The following ATP6V1C1 variants were observed in gnomAD, a reference collection of about 807,000 sequenced individuals.
ATP6V1C1 encodes the protein ATPase H+ transporting V1 subunit C1.
A neutral mutation model predicts 53.9 loss-of-function variants in ATP6V1C1; 45 were observed. The ratio of observed to expected loss-of-function variants is 0.83; its 90% confidence interval spans 0.66 to 1.07. ATP6V1C1 has a LOEUF of 1.07. ATP6V1C1 is among the 50% of genes least tolerant of loss of function. The pLI is 0.00. For synonymous variants in ATP6V1C1, 153 were observed against 155.2 expected (o/e 0.99, Z 0.11); for missense variants, 315 against 440.3 (o/e 0.72, Z 2.55).
intron 1 of ATP6V1C1, among the ~76,000 whole-genome samples, chr8:103,033,678 T>G (rs770831921): frequency 5.9e-5 from 9 of 152,218 alleles, no homozygotes; most frequent in Non-Finnish European, 1.3e-4. Flanking sequence ...TGCTGTCATA[T>G]GATATATAAT....
intron 1 of ATP6V1C1, among the ~76,000 whole-genome samples, chr8:103,030,668 C>T (rs1018008088): frequency 6.6e-6 from 1 of 152,064 alleles, no homozygotes; most frequent in Non-Finnish European, 1.5e-5. Context: ...CTTGCTGAGT[C>T]GAGGAGACTG....
intron 3 of ATP6V1C1, among the ~76,000 whole-genome samples, chr8:103,048,306 C>A (rs760556819): frequency 3.9e-5 from 6 of 152,148 alleles, no homozygotes; most frequent in Non-Finnish European, 7.4e-5. Context: ...TTTGCACCAA[C>A]CTAATAGTTT....
chr8:103,055,413 T>G (rs1447288946), intron 7 of ATP6V1C1, among the ~76,000 whole-genome samples: 1 of 152,142 alleles, frequency 6.6e-6, no homozygotes, highest in East Asian at 1.9e-4. Context: ...GGCAACATAG[T>G]TTACTGTCAC....
At chr8:103,022,898 A>C (rs1020955112) in intron 1 of ATP6V1C1, among the ~76,000 whole-genome samples, 1 of 152,082 alleles carries the variant, frequency 6.6e-6, no homozygotes, top group African/African-American at 2.4e-5. Flanking sequence ...AAAAATAAAA[A>C]AATAACTAGC....
intron 1 of ATP6V1C1, among the ~76,000 whole-genome samples, chr8:103,040,355 A>G (rs1816974250): frequency 6.6e-6 from 1 of 151,824 alleles, no homozygotes; most frequent in African/African-American, 2.4e-5. Flanking sequence ...CGGAGGTTGC[A>G]GTGAGCTGAG....
In ATP6V1C1 at chr8:103,040,817, G is replaced by C. The variant is rs1006845859; in HGVS notation, c.-20G>C. The C allele has an allele frequency of 6.3e-7, 1 of 1,597,794 alleles. No homozygotes were observed. Among genetic ancestry groups the C allele is most frequent in the Non-Finnish European group, 8.5e-7 (1 of 1,172,960 alleles). On this transcript the variant is annotated 5_prime_UTR_variant, in exon 2 of 13. Coordinates refer to ENST00000518738, the MANE Select transcript of ATP6V1C1 (RefSeq NM_001695.5). ...TTTCAGAATCTCTCTTGATTTTTGA[G>C]GAAATACCTAGTAACAAACATGACT...
rs1488337128 is a variant in ATP6V1C1 at position 103,070,673 on chromosome 8, T to C, written c.*1926T>C. On this transcript the variant is annotated 3_prime_UTR_variant, in exon 13 of 13. Coordinates refer to ENST00000518738, the MANE Select transcript of ATP6V1C1 (RefSeq NM_001695.5). ...TAAGGTTTTATTTAGACTTTACTGT[T>C]GTTCTCATGAGAGTAGGTACAGACT... 2 of 152,250 alleles carry C rather than the reference T, an allele frequency of 1.3e-5. No homozygotes were observed. Among genetic ancestry groups the C allele is most frequent in the South Asian group, 2.1e-4 (1 of 4,830 alleles). The allele number at this position is 152,250 out of a possible 1,614,324, so 9.4% of individuals were successfully genotyped here. A position where few individuals can be genotyped will look rare whatever the true frequency, so the allele number is the denominator to read the frequency against.
intron 4 of ATP6V1C1, 100 bp downstream of exon 4, chr8:103,049,055 A>G: frequency 2.8e-6 from 3 of 1,056,188 alleles, no homozygotes; most frequent in Non-Finnish European, 4.1e-6. Flanking sequence ...AGAAAAGGAC[A>G]CTAAATACAA....
intron 12 of ATP6V1C1, among the ~76,000 whole-genome samples, chr8:103,067,064 T>C (rs1461892691): frequency 6.6e-6 from 1 of 152,190 alleles, no homozygotes; most frequent in Non-Finnish European, 1.5e-5. Flanking sequence ...AAAGAAGATA[T>C]AAACAGAGTT....
At chr8:103,063,423 A>G (rs1817437886) in intron 10 of ATP6V1C1, among the ~76,000 whole-genome samples, 195 bp downstream of exon 10, 1 of 152,132 alleles carries the variant, frequency 6.6e-6, no homozygotes, top group Non-Finnish European at 1.5e-5. Context: ...TCTATTTCTA[A>G]GAAAGCTTTC....
intron 3 of ATP6V1C1, among the ~76,000 whole-genome samples, chr8:103,046,332 G>C (rs1478075482): frequency 2.0e-5 from 3 of 151,962 alleles, no homozygotes; most frequent in Admixed American, 1.3e-4. Context: ...TCAGTTTCCT[G>C]AGTAGCTAGG....
chr8:103,063,168 G>A lies in ATP6V1C1; in HGVS notation c.768G>A (p.Glu256=). The A allele has an allele frequency of 6.2e-7, 1 of 1,612,986 alleles. No homozygotes were observed. Among genetic ancestry groups the A allele is most frequent in the African/African-American group, 1.3e-5 (1 of 74,960 alleles). The change falls in exon 10 of 13, where the codon GAG becomes GAA. Residue 256 remains glutamate (E), a synonymous_variant. Coordinates refer to ENST00000518738, the MANE Select transcript of ATP6V1C1 (RefSeq NM_001695.5). The part of the protein sequence containing the change: ...FIVRDFQYNE[E]EMKADKEEMN... The stretch of plus-strand genomic sequence containing the variant: ...TTCGTGACTTCCAGTATAATGAAGA[G>A]GAGATGAAAGCAGATAAAGAAGAAA...
chr8:103,066,914 G>T (rs1247684190), intron 12 of ATP6V1C1, among the ~76,000 whole-genome samples: 1 of 151,852 alleles, frequency 6.6e-6, no homozygotes, highest in Non-Finnish European at 1.5e-5. Context: ...TGAGGCGGGA[G>T]GATCACTTGA....
chr8:103,046,961 C>G (rs957667370), intron 3 of ATP6V1C1, among the ~76,000 whole-genome samples: 1 of 152,066 alleles, frequency 6.6e-6, no homozygotes, highest in Non-Finnish European at 1.5e-5. Context: ...TGAAGTACTT[C>G]TATGGGTAAA....
At chr8:103,045,451 A>G (rs1344258521) in intron 3 of ATP6V1C1, among the ~76,000 whole-genome samples, 1 of 152,222 alleles carries the variant, frequency 6.6e-6, no homozygotes, top group Non-Finnish European at 1.5e-5. Flanking sequence ...CTCAGTTGGG[A>G]CCAGACACTT....
rs1012081565 is a variant in ATP6V1C1 at position 103,070,585 on chromosome 8, A to G, written c.*1838A>G. ...CTCTATCATGGGGGGGCATGTTTTG[A>G]CATTAAATTGACTTTTAAGAAAAAC... On this transcript the variant is annotated 3_prime_UTR_variant, in exon 13 of 13. Coordinates refer to ENST00000518738, the MANE Select transcript of ATP6V1C1 (RefSeq NM_001695.5). 1 of 152,218 alleles carries G rather than the reference A, an allele frequency of 6.6e-6. No homozygotes were observed. The highest frequency in any genetic ancestry group is 1.5e-5 in the Non-Finnish European group (1 of 68,030). The allele number at this position is 152,218 out of a possible 1,614,324, so 9.4% of individuals were successfully genotyped here.
chr8:103,066,533 G>A lies in ATP6V1C1; in HGVS notation c.1053+86G>A, dbSNP rs146983015. On this transcript the variant is annotated intron_variant, in intron 12 of 12. Transcript: ENST00000518738. ...GAAAGAAGATAGACAGAAAAGGGAG[G>A]GTAAGTATGAAACTTAATCATTTTT... 945 of 1,359,314 alleles carry A rather than the reference G, an allele frequency of 7.0e-4. 8 individuals are homozygous for A. The African/African-American group carries it at 0.012, about 17-fold the overall frequency. 84.2% of individuals were successfully genotyped at this position (1,359,314 alleles called of 1,614,324 possible). A position where few individuals can be genotyped will look rare whatever the true frequency, so the allele number is the denominator to read the frequency against.
chr8:103,057,319 G>C (rs1817304880), intron 8 of ATP6V1C1, among the ~76,000 whole-genome samples: 1 of 152,298 alleles, frequency 6.6e-6, no homozygotes, highest in African/African-American at 2.4e-5. Context: ...AAGTTACAAA[G>C]GTCACACTCC....
intron 8 of ATP6V1C1, among the ~76,000 whole-genome samples, chr8:103,058,979 T>G (rs1353227880): frequency 1.4e-5 from 2 of 147,744 alleles, no homozygotes; most frequent in Non-Finnish European, 3.0e-5. Flanking sequence ...ATTACCACTT[T>G]CCTATTTTTT....
Sources: gnomAD v4.1 joint callset for allele counts (sites outside exome capture counted in the v4.1 genomes callset) on GRCh38, gnomAD v4.1.1 for gene constraint, MANE v1.5 for transcripts, NCBI Gene and HGNC (gene_info 2026-07-23, HGNC 2026-07-21) for gene names.